The following DCDC2B variants were observed in gnomAD, a reference collection of about 807,000 sequenced individuals.
DCDC2B encodes the protein doublecortin domain-containing protein 2B.
Under a neutral mutation model 38.9 loss-of-function variants are expected in DCDC2B, and 41 were observed. The ratio of observed to expected loss-of-function variants is 1.05; its 90% CI spans 0.82 to 1.37. The LOEUF is 1.37. Among genes scored for constraint, DCDC2B ranks in the 40% most tolerant of loss-of-function variants. The pLI, the probability that DCDC2B is intolerant of heterozygous loss-of-function variation, is 0.00. For missense variants in DCDC2B, 453 were observed against 427.2 expected (o/e 1.06, Z -0.53); for synonymous variants, 181 against 171.9 (o/e 1.05, Z -0.41).
At chr1:32,209,464 G>C in intron 1 of DCDC2B, 105 bp downstream of exon 1, 1 of 1,493,074 alleles carries the variant, frequency 6.7e-7, no homozygotes. Context: ...GGTACTTACT[G>C]AACTCTATGT....
chr1:32,211,882 G>GT (rs761198494), intron 3 of DCDC2B, 45 bp downstream of exon 3: 21 of 1,573,188 alleles, frequency 1.3e-5, no homozygotes, highest in Non-Finnish European at 1.7e-5. Flanking sequence ...GTTTGTTTTA[G>GT]TAAGGCCAAG....
Position 32,211,790 on chromosome 1 carries a change from T to C in DCDC2B, c.348T>C (p.Asp116=), listed in dbSNP as rs769066118. The C allele has an allele frequency of 5.6e-6, 9 of 1,611,000 alleles. No homozygotes were observed. Among genetic ancestry groups the C allele is most frequent in the Non-Finnish European group, 7.6e-6 (9 of 1,178,718 alleles). The change falls in exon 3 of 9, where the codon GAT becomes GAC. Residue 116 remains aspartate (D), a synonymous_variant. Coordinates refer to ENST00000409358, the MANE Select transcript of DCDC2B (RefSeq NM_001099434.2). Reference sequence around the variant, plus strand: ...CTCCCGTGACTCGCCACTTGTGTGATGGGGCCATTGGACGGCAGCTGCCTG... The same window carrying C: ...CTCCCGTGACTCGCCACTTGTGTGACGGGGCCATTGGACGGCAGCTGCCTG... ...QGPPVTRHLC[D]GAIGRQLPAG...
At chr1:32,215,158 G>T (rs1027673814) in intron 7 of DCDC2B, 1 of 634,946 alleles carries the variant, frequency 1.6e-6, no homozygotes, top group Non-Finnish European at 2.6e-6. Context: ...GTCTCCAGCT[G>T]CCCCCGTCTG....
intron 2 of DCDC2B, 53 bp from the exon 3 acceptor site, chr1:32,211,708 C>T: frequency 6.4e-7 from 1 of 1,550,608 alleles, no homozygotes; most frequent in Non-Finnish European, 8.7e-7. Context: ...ATGGGCCCAC[C>T]CCTAACCAAA....
rs1449764322 is a variant in DCDC2B at position 32,211,751 on chromosome 1, T to G, written c.319-10T>G. On this transcript the variant is annotated splice_polypyrimidine_tract_variant and intron_variant, in intron 2 of 8. Coordinates refer to ENST00000409358, the MANE Select transcript of DCDC2B (RefSeq NM_001099434.2). ...ACTCTCCTGATTTGGAGGCCTGACA[T>G]GGGTTTCAGGGTCCTCCCGTGACTC... 1 of 1,601,702 alleles carries G rather than the reference T, an allele frequency of 6.2e-7. No homozygotes were observed. Among genetic ancestry groups the G allele is most frequent in the Non-Finnish European group, 8.5e-7 (1 of 1,174,394 alleles).
At chr1:32,211,630 ACTGT>A (rs1390848842) in intron 2 of DCDC2B, 127 bp from the exon 3 acceptor site, 20 of 869,310 alleles carry the variant, frequency 2.3e-5, no homozygotes, top group African/African-American at 3.4e-5. Flanking sequence ...AAAGGTGTAA[ACTGT>A]CTTACTCCTC....
chr1:32,214,528 G>C, intron 6 of DCDC2B: 1 of 456,302 alleles, frequency 2.2e-6, no homozygotes, highest in Non-Finnish European at 4.0e-6. Context: ...AAATGAGCCA[G>C]TGAGCATGGG....
intron 4 of DCDC2B, 69 bp from the exon 5 acceptor site, chr1:32,212,421 C>G (rs1480661846): frequency 1.9e-6 from 3 of 1,592,478 alleles, no homozygotes; most frequent in Non-Finnish European, 1.7e-6. Flanking sequence ...GCACCCACCC[C>G]TTCAGTCTGC....
Position 32,215,476 on chromosome 1 carries a change from A to G in DCDC2B, c.887A>G (p.Lys296Arg), listed in dbSNP as rs1235101160. ...GTATATGGAGCTCCCCACCGAAGGA[A>G]GGAGACAGCGGGGGCCCTGGAAGTA... ...IGVYGAPHRR[K>R]ETAGALEVAD... is the part of the protein sequence containing the mutation. The change falls in exon 8 of 9, where the codon AAG (lysine) becomes AGG (arginine). Residue 296 changes from lysine to arginine, a missense_variant. By Grantham distance (26) the Lys-to-Arg change is conservative. Transcript: ENST00000409358. 2.5e-6 allele frequency: 4 copies of G among 1,613,392 alleles called. No homozygotes were observed. Among genetic ancestry groups the G allele is most frequent in the Non-Finnish European group, 3.4e-6 (4 of 1,179,764 alleles).
chr1:32,209,187 C>T lies in DCDC2B; in HGVS notation c.94C>T (p.Arg32Cys), dbSNP rs546032813. Residue 32 changes from arginine (R) to cysteine (C), a missense_variant, in exon 1 of 9, where the codon CGC (arginine) becomes TGC (cysteine). By Grantham distance (180) the Arg-to-Cys change is radical. Transcript: ENST00000409358. ...PGSQLVVTQR[R>C]FPTMEAFLCE... ...CTCCCAGCTGGTGGTGACTCAACGC[C>T]GCTTCCCCACCATGGAGGCCTTCCT... The T allele has an allele frequency of 1.7e-5, 28 of 1,613,994 alleles. No individual in the cohort carries two copies. In the East Asian group the frequency reaches 2.9e-4, roughly 17 times the overall value.
chr1:32,215,329 G>A, intron 7 of DCDC2B, 111 bp from the exon 8 acceptor site: 1 of 885,850 alleles, frequency 1.1e-6, no homozygotes, highest in Non-Finnish European at 1.7e-6. Context: ...AGGTGGTGGG[G>A]AATGCAGAAC....
Position 32,215,854 on chromosome 1 carries a change from C to T in DCDC2B, c.1007C>T (p.Ala336Val), listed in dbSNP as rs1336638693. Residue 336 changes from alanine to valine, a missense_variant, in exon 9 of 9, where the codon GCT becomes GTT. Physicochemically the swap from Ala to Val is moderately conservative, Grantham distance 64. Coordinates refer to ENST00000409358, the MANE Select transcript of DCDC2B (RefSeq NM_001099434.2). ...TTGTCCCTGGAAAACCAGCCTGGGG[C>T]TGGGGCTGCTATCTCAGCCTCAGCC... ...EALSLENQPG[A>V]GAAISASAPA... The T allele has an allele frequency of 1.9e-6, 3 of 1,552,882 alleles. No individual in the cohort carries two copies. The highest frequency in any genetic ancestry group is 1.7e-4 in the Middle Eastern group (1 of 5,992).
At chr1:32,215,305 C>T in intron 7 of DCDC2B, 135 bp from the exon 8 acceptor site, 1 of 742,546 alleles carries the variant, frequency 1.3e-6, no homozygotes, top group Non-Finnish European at 2.2e-6. Flanking sequence ...CTCTCACTTC[C>T]TTGCCATCCT....
At chr1:32,209,456 T>C in intron 1 of DCDC2B, 97 bp downstream of exon 1, 2 of 1,522,372 alleles carry the variant, frequency 1.3e-6, no homozygotes, top group Non-Finnish European at 1.8e-6. Context: ...ATGTTACTGG[T>C]ACTTACTGAA....
chr1:32,214,707 GCGT>G, intron 6 of DCDC2B, 87 bp from the exon 7 acceptor site: 1 of 1,550,754 alleles, frequency 6.4e-7, no homozygotes, highest in Non-Finnish European at 8.7e-7. Context: ...GTTCCTGCAG[GCGT>G]CAGGGGCTCT....
intron 4 of DCDC2B, 48 bp downstream of exon 4, chr1:32,212,249 G>A (rs368925506): frequency 7.3e-5 from 116 of 1,598,354 alleles, no homozygotes; most frequent in Non-Finnish European, 8.9e-5. Flanking sequence ...AGAGAGCCTC[G>A]CCACTGGCTT....
At position 32,209,190 on chromosome 1, in the gene DCDC2B, T is replaced by C; in HGVS notation, c.97T>C (p.Phe33Leu). 2 of 1,614,002 alleles carry C rather than the reference T, an allele frequency of 1.2e-6. No individual in the cohort carries two copies. The highest frequency in any genetic ancestry group is 1.7e-6 in the Non-Finnish European group (2 of 1,179,882). The change falls in exon 1 of 9, where the codon TTC becomes CTC. Residue 33 changes from phenylalanine to leucine, a missense_variant. Transcript: ENST00000409358. ...CCAGCTGGTGGTGACTCAACGCCGC[T>C]TCCCCACCATGGAGGCCTTCCTCTG... is the stretch of plus-strand genomic sequence containing the variant. Reference protein sequence around the residue: ...GSQLVVTQRRFPTMEAFLCEV... With the variant: ...GSQLVVTQRRLPTMEAFLCEV...
chr1:32,209,648 CCT>C (rs1260926954), intron 1 of DCDC2B, among the ~76,000 whole-genome samples: 6 of 152,134 alleles, frequency 3.9e-5, no homozygotes, highest in Non-Finnish European at 8.8e-5. Context: ...AGGGTGAGCC[CCT>C]TTTTCCAAAA....
At chr1:32,209,478 G>C in intron 1 of DCDC2B, 119 bp downstream of exon 1, 4 of 1,446,778 alleles carry the variant, frequency 2.8e-6, no homozygotes, top group Non-Finnish European at 1.9e-6. Flanking sequence ...TCTATGTAGG[G>C]GGGGTGGTTT....
Sources: allele counts gnomAD v4.1 joint callset (sites outside exome capture counted in the v4.1 genomes callset), GRCh38; gene constraint gnomAD v4.1.1; transcripts MANE v1.5; gene names NCBI Gene and HGNC (gene_info 2026-07-23, HGNC 2026-07-21).